POM121: variants seen among roughly 807,000 people sequenced by gnomAD.
POM121 encodes the protein nuclear envelope pore membrane protein POM 121.
POM121 carries 32 observed loss-of-function variants against 81.3 expected under a neutral mutation model. The observed-to-expected ratio is 0.39, with a 90% CI of 0.30 to 0.53. POM121 has a LOEUF of 0.53. POM121 is among the 20% of genes least tolerant of loss of function. The probability of loss-of-function intolerance (pLI) is 0.66; values close to 1 mark genes in which losing one functional copy is unlikely to be tolerated. For synonymous variants in POM121, 514 were observed against 694.2 expected, an observed-to-expected ratio of 0.74 and a Z score of 4.08; for missense variants, 1,138 against 1,614.6, an observed-to-expected ratio of 0.70 and a Z score of 5.06.
At chr7:72,944,302 A>G (rs1477545320) in intron 11 of POM121, among the ~76,000 whole-genome samples, 1 of 151,964 alleles carries the variant, frequency 6.6e-6, no homozygotes, top group Non-Finnish European at 1.5e-5. Context: ...AGGCAGAAGG[A>G]TGCAGTGATG....
At position 72,908,957 on chromosome 7, in the gene POM121, G is replaced by A. The variant is rs1793546864; in HGVS notation, c.-215-4808G>A. Among the ~76,000 whole-genome samples, 5 of 152,286 alleles carry A rather than the reference G, an allele frequency of 3.3e-5. No homozygotes were observed. The South Asian group carries it at 8.3e-4, about 25-fold the overall frequency. On this transcript the variant is annotated intron_variant, in intron 3 of 15. Transcript: ENST00000395270. Reference sequence around the variant, plus strand: ...GAGGCGACATACATCCTCAGTTTACGAAGATGATGGGATTAAGAGATTAAA... The same window carrying A: ...GAGGCGACATACATCCTCAGTTTACAAAGATGATGGGATTAAGAGATTAAA...
At chr7:72,948,919 G>T (rs369390186), downstream of POM121, 13 of 1,612,102 alleles carry the variant, frequency 8.1e-6, no homozygotes, top group East Asian at 2.2e-5. Context: ...CTGCTGCAGC[G>T]CATCTTGTAC....
rs1554497050 is a variant in POM121 at position 72,925,499 on chromosome 7, C to T, written c.378C>T (p.Leu126=). 6.5e-7 allele frequency: 1 copy of T among 1,533,648 alleles called. No individual in the cohort carries two copies. The highest frequency in any genetic ancestry group is 8.7e-7 in the Non-Finnish European group (1 of 1,146,512). ...NGNLLEPRTL[L]EGPDPAELLL... is the part of the protein sequence containing the mutation. Reference sequence around the variant, plus strand: ...ACCTCCTAGAGCCGCGGACCCTGCTCGAAGGACCTGACCCTGCGGAACTGC... The same window carrying T: ...ACCTCCTAGAGCCGCGGACCCTGCTTGAAGGACCTGACCCTGCGGAACTGC... Residue 126 remains leucine (L), a synonymous_variant, in exon 1 of 13, where the codon CTC becomes CTT. Coordinates refer to ENST00000434423, the MANE Select transcript of POM121 (RefSeq NM_001387691.1).
chr7:72,920,231 A>G (rs1413844515), upstream of POM121, among the ~76,000 whole-genome samples: 1 of 152,028 alleles, frequency 6.6e-6, no homozygotes, highest in Non-Finnish European at 1.5e-5. Context: ...GGATCAAAAT[A>G]AGGATTGATT....
rs781928772 is a variant in POM121, at chr7:72,942,933, G to A, written c.2940G>A (p.Pro980=). 8.4e-5 allele frequency: 134 copies of A among 1,602,748 alleles called. 2 individuals carry two copies. The highest frequency in any genetic ancestry group is 2.5e-4 in the African/African-American group (19 of 74,572). ...PAFGAAEGQP[P]GAAKPALAPS... ...TTGGGGCCGCTGAGGGGCAGCCACC[G>A]GGGGCCGCCAAGCCGGCCCTTGCCC... The change falls in exon 11 of 13, where the codon CCG becomes CCA. Residue 980 remains proline, a synonymous_variant. Transcript: ENST00000434423.
chr7:72,950,242 T>G, downstream of POM121: 1 of 1,587,306 alleles, frequency 6.3e-7, no homozygotes, highest in Non-Finnish European at 8.6e-7. Context: ...AATTTCTCCC[T>G]GCCAGGCCCT....
intron 1 of POM121, among the ~76,000 whole-genome samples, chr7:72,884,009 G>A (rs1554489686): frequency 6.6e-6 from 1 of 152,054 alleles, no homozygotes; most frequent in African/African-American, 2.4e-5. Context: ...GTGCTCAAGT[G>A]ATCCTCCCAC....
At chr7:72,913,530 C>T (rs1222433291) in intron 3 of POM121, among the ~76,000 whole-genome samples, 4 of 152,178 alleles carry the variant, frequency 2.6e-5, no homozygotes, top group African/African-American at 7.2e-5. Context: ...CTGCCATTGT[C>T]CTGTCTAGCC....
At chr7:72,914,888 C>G in intron 4 of POM121, among the ~76,000 whole-genome samples, 1 of 152,108 alleles carries the variant, frequency 6.6e-6, no homozygotes, top group Non-Finnish European at 1.5e-5. Flanking sequence ...CAGCTTGATC[C>G]GTTCCTCTCC....
chr7:72,913,333 C>T (rs781790262), intron 3 of POM121, among the ~76,000 whole-genome samples: 5 of 152,238 alleles, frequency 3.3e-5, no homozygotes, highest in Non-Finnish European at 4.4e-5. Context: ...TAGCTGCCTC[C>T]GGCATCAGCA....
chr7:72,925,240 C>G lies in POM121; in HGVS notation c.119C>G (p.Ser40Trp). The G allele has an allele frequency of 3.9e-6, 6 of 1,533,914 alleles. No homozygotes were observed. The highest frequency in any genetic ancestry group is 5.2e-6 in the Non-Finnish European group (6 of 1,146,152). The change falls in exon 1 of 13, where the codon TCG becomes TGG. Residue 40 changes from serine (S) to tryptophan (W), a missense_variant. Physicochemically the swap from Ser to Trp is radical, Grantham distance 177. Around this residue, in one of 7 missense-constraint regions of POM121, gnomAD observed 646 missense variants for 633.5 expected, o/e 1.02. Transcript: ENST00000434423. ...GPARAVLLGL[S>W]LVGLLLYLVP... Reference sequence around the variant, plus strand: ...GCCAGGGCGGTGCTCCTGGGCCTGTCGCTGGTTGGCCTCTTACTGTACCTC... The same window carrying G: ...GCCAGGGCGGTGCTCCTGGGCCTGTGGCTGGTTGGCCTCTTACTGTACCTC...
At position 72,943,052 on chromosome 7, in the gene POM121, C is replaced by G. The variant is rs782087215; in HGVS notation, c.3059C>G (p.Ala1020Gly). ...CCGTCCATGATCAAGGTCGTGCCTG[C>G]GTACGTGCCTACGCCCATCCATCCT... ...APPSMIKVVP[A>G]YVPTPIHPIF... The change falls in exon 11 of 13, where the codon GCG becomes GGG. Residue 1020 changes from alanine (A) to glycine (G), a missense_variant. Transcript: ENST00000434423. 1 of 1,613,886 alleles carries G rather than the reference C, an allele frequency of 6.2e-7. No individual in the cohort carries two copies. The highest frequency in any genetic ancestry group is 1.1e-5 in the South Asian group (1 of 91,080).
At chr7:72,915,997 T>G (rs1487704133) in intron 4 of POM121, among the ~76,000 whole-genome samples, 1 of 152,204 alleles carries the variant, frequency 6.6e-6, no homozygotes, top group African/African-American at 2.4e-5. Context: ...TGGGGTTGTT[T>G]GTTTTTTCCT....
At position 72,908,264 on chromosome 7, in the gene POM121, A is replaced by G. The variant is rs1793465133; in HGVS notation, c.-215-5501A>G. 2.6e-5 allele frequency among the ~76,000 whole-genome samples: 4 copies of G among 152,296 alleles called. No individual in the cohort carries two copies. In the South Asian group the frequency reaches 6.2e-4, roughly 24 times the overall value. On this transcript the variant is annotated intron_variant, in intron 3 of 15. Transcript: ENST00000395270. ...AGAGTACAAAGAGAGAAATTTTTAAAGCTGGGTGTCCGGGGGAGACATCAC... is the reference window on the plus strand; with the variant it reads ...AGAGTACAAAGAGAGAAATTTTTAAGGCTGGGTGTCCGGGGGAGACATCAC...
At chr7:72,904,498 C>T (rs1410408149) in intron 3 of POM121, among the ~76,000 whole-genome samples, 1 of 152,182 alleles carries the variant, frequency 6.6e-6, no homozygotes, top group Non-Finnish European at 1.5e-5. Context: ...AGCCCTCGGG[C>T]AGCTGAGAAC....
intron 3 of POM121, among the ~76,000 whole-genome samples, chr7:72,893,035 G>A (rs1791463554): frequency 6.6e-6 from 1 of 151,604 alleles, no homozygotes; most frequent in Non-Finnish European, 1.5e-5. Context: ...CTTGGCTCAC[G>A]ATAACCTCTG....
At chr7:72,939,750 C>G (rs1342209511) in intron 7 of POM121, 97 bp from the exon 8 acceptor site, 6 of 1,609,366 alleles carry the variant, frequency 3.7e-6, no homozygotes, top group Non-Finnish European at 5.1e-6. Flanking sequence ...TCAGAGATAC[C>G]CATTGAAAAC....
chr7:72,922,989 G>A (rs541063911), upstream of POM121, among the ~76,000 whole-genome samples: 582 of 152,032 alleles, frequency 3.8e-3, 2 homozygotes, highest in Non-Finnish European at 7.0e-3. Flanking sequence ...TGAGTAGGGA[G>A]TCTGCAGTCA....
chr7:72,938,643 C>G lies in POM121; in HGVS notation c.1329C>G (p.Ser443=), dbSNP rs781990500. 1.5e-5 allele frequency: 25 copies of G among 1,613,782 alleles called. No individual in the cohort carries two copies. In the East Asian group the frequency reaches 5.3e-4, roughly 35 times the overall value. ...CACCCTTCTCTAGCCCAGCCTCCTC[C>G]CGCTCCCAGACACCGGAGAGGCCAG... is the stretch of plus-strand genomic sequence containing the variant. The part of the protein sequence containing the change: ...SSSPFSSPAS[S]RSQTPERPAK... The change falls in exon 6 of 13, where the codon TCC becomes TCG. Residue 443 remains serine, a synonymous_variant. Coordinates refer to ENST00000434423, the MANE Select transcript of POM121 (RefSeq NM_001387691.1).
Sources: gnomAD v4.1 joint callset for allele counts (sites outside exome capture counted in the v4.1 genomes callset) on GRCh38, gnomAD v4.1.1 for gene constraint, gnomAD v4.1.1 regional missense constraint, MANE v1.5 for transcripts, NCBI Gene and HGNC (gene_info 2026-07-23, HGNC 2026-07-21) for gene names.